Variants in EPG5 observed in about 807,000 individuals in gnomAD.
EPG5 encodes the protein ectopic P-granules 5 autophagy tethering factor.
In EPG5, 159 loss-of-function variants were observed where a neutral mutation model predicts 302.7. That is an observed-to-expected ratio of 0.53 (90% CI 0.46 to 0.60). The LOEUF (loss-of-function observed/expected upper bound fraction) is 0.60. Among genes scored for constraint, EPG5 ranks in the 20% least tolerant of loss-of-function variants. The pLI is 0.00. For missense variants in EPG5, 2,896 were observed against 3,092.4 expected (o/e 0.94, Z 1.51); for synonymous variants, 1,158 against 1,136.8 (o/e 1.02, Z -0.37).
At chr18:45,951,371 C>T (rs2050905690) in intron 3 of EPG5, 133 bp from the exon 4 acceptor site, 1 of 506,738 alleles carries the variant, frequency 2.0e-6, no homozygotes, top group Non-Finnish European at 3.1e-6. Flanking sequence ...AAAGTTACAT[C>T]AAAATACTTA....
chr18:45,861,211 C>T (rs1455511397), intron 39 of EPG5, among the ~76,000 whole-genome samples: 2 of 152,136 alleles, frequency 1.3e-5, no homozygotes, highest in South Asian at 2.1e-4. Context: ...TCTTTCTGTA[C>T]GACCTACTTA....
At chr18:45,821,266 C>T in the EPG5 span, among the ~76,000 whole-genome samples, 1 of 152,162 alleles carries the variant, frequency 6.6e-6, no homozygotes, top group African/African-American at 2.4e-5. Context: ...GTGAGAAATC[C>T]ATGCATGCAC....
At chr18:45,915,170 C>T (rs1273583509) in intron 20 of EPG5, among the ~76,000 whole-genome samples, 1 of 151,510 alleles carries the variant, frequency 6.6e-6, no homozygotes, top group Non-Finnish European at 1.5e-5. Flanking sequence ...CCCAGCTACT[C>T]GGGAGGCTGT....
At chr18:45,807,774 A>G in the EPG5 span, among the ~76,000 whole-genome samples, 1 of 152,210 alleles carries the variant, frequency 6.6e-6, no homozygotes, top group Non-Finnish European at 1.5e-5. Flanking sequence ...ACCTACCCAA[A>G]TGAGAAGGAA....
chr18:45,935,582 T>TGCACATTGGTGTA (rs1296982799), intron 10 of EPG5, among the ~76,000 whole-genome samples: 1 of 150,002 alleles, frequency 6.7e-6, no homozygotes, highest in Non-Finnish European at 1.5e-5. Flanking sequence ...TTAGCACCAA[T>TGCACATTGGTGTA]GCACACAGGC....
chr18:45,874,821 T>C (rs114586025), intron 35 of EPG5, among the ~76,000 whole-genome samples: 10,174 of 152,198 alleles, frequency 0.067, 527 homozygotes, highest in African/African-American at 0.14. Context: ...ACTAGGTGTA[T>C]TCAGTGGAAG....
At chr18:45,829,310 T>A in the EPG5 span, 1 of 242,246 alleles carries the variant, frequency 4.1e-6, no homozygotes, top group Non-Finnish European at 6.7e-6. Flanking sequence ...CCTCACCCCT[T>A]CCCGGGAACC....
intron 16 of EPG5, among the ~76,000 whole-genome samples, chr18:45,918,713 G>C (rs2050085650): frequency 6.6e-6 from 1 of 152,122 alleles, no homozygotes; most frequent in Admixed American, 6.5e-5. Flanking sequence ...TAATACACAT[G>C]ATGACCAAAG....
At chr18:45,935,812 C>T (rs2050510813) in intron 10 of EPG5, among the ~76,000 whole-genome samples, 1 of 152,214 alleles carries the variant, frequency 6.6e-6, no homozygotes, top group East Asian at 1.9e-4. Context: ...CAGTATGGCT[C>T]TGAATCATAT....
At position 45,951,242 on chromosome 18, in the gene EPG5, T is replaced by C; in HGVS notation, c.1253-4A>G. 6.8e-7 allele frequency: 1 copy of C among 1,473,690 alleles called. No homozygotes were observed. The highest frequency in any genetic ancestry group is 9.0e-7 in the Non-Finnish European group (1 of 1,110,392). 91.3% of individuals were successfully genotyped at this position (1,473,690 alleles called of 1,614,324 possible). A position where few individuals can be genotyped will look rare whatever the true frequency, so the allele number is the denominator to read the frequency against. ...ATGCTTTCTGTCTGCTTAGACGCTGTAAATGAAAGATATTAAATGAGTCTC... is the reference window on the plus strand; with the variant it reads ...ATGCTTTCTGTCTGCTTAGACGCTGCAAATGAAAGATATTAAATGAGTCTC... On this transcript the variant is annotated splice_region_variant and splice_polypyrimidine_tract_variant and intron_variant, in intron 3 of 43. Transcript: ENST00000282041.
chr18:45,880,453 C>T (rs768247218), intron 31 of EPG5, among the ~76,000 whole-genome samples: 9 of 152,132 alleles, frequency 5.9e-5, no homozygotes, highest in African/African-American at 1.4e-4. Flanking sequence ...TGGGAGTGAG[C>T]GCTGCTGAAG....
the EPG5 span, among the ~76,000 whole-genome samples, chr18:45,839,909 C>T: frequency 6.6e-6 from 1 of 152,106 alleles, no homozygotes. Flanking sequence ...GTCACAGTGG[C>T]CCTGGCTGCT....
intron 10 of EPG5, among the ~76,000 whole-genome samples, chr18:45,935,985 A>G (rs1406800999): frequency 1.3e-5 from 2 of 152,176 alleles, no homozygotes; most frequent in African/African-American, 4.8e-5. Flanking sequence ...CTTTGCCATC[A>G]TCATACATTC....
chr18:45,960,637 C>T lies in EPG5; in HGVS notation c.64-5299G>A, dbSNP rs533486949. Among the ~76,000 whole-genome samples the T allele has an allele frequency of 1.4e-4, 21 of 151,878 alleles. 1 individual carries two copies. Among genetic ancestry groups the T allele is most frequent in the Non-Finnish European group, 2.9e-4 (20 of 67,986 alleles). ...TTAACTATACATTACAGTAAATATG[C>T]TCTGGAGTGTGGGTATATGGGGAAA... On this transcript the variant is annotated intron_variant, in intron 1 of 43. Coordinates refer to ENST00000282041, the MANE Select transcript of EPG5 (RefSeq NM_020964.3).
At chr18:45,834,958 G>A in the EPG5 span, among the ~76,000 whole-genome samples, 1 of 152,256 alleles carries the variant, frequency 6.6e-6, no homozygotes, top group African/African-American at 2.4e-5. Flanking sequence ...CAATCCTTCA[G>A]ACAGGGTTTC....
intron 27 of EPG5, among the ~76,000 whole-genome samples, chr18:45,896,973 T>C (rs775447928): frequency 3.3e-5 from 5 of 152,244 alleles, no homozygotes; most frequent in Non-Finnish European, 7.3e-5. Context: ...CAAAATTACC[T>C]AGAAGACATT....
At chr18:45,833,018 C>G in the EPG5 span, among the ~76,000 whole-genome samples, 243 of 152,234 alleles carry the variant, frequency 1.6e-3, 1 homozygote, top group African/African-American at 5.5e-3. Flanking sequence ...GGTGAAAGAC[C>G]CTCTGTGTTC....
chr18:45,832,706 G>T, the EPG5 span, among the ~76,000 whole-genome samples: 1 of 152,190 alleles, frequency 6.6e-6, no homozygotes, highest in Non-Finnish European at 1.5e-5. Context: ...TACAGTAAGG[G>T]GCCATGATTC....
At chr18:45,891,364 T>C (rs2049342463) in intron 27 of EPG5, among the ~76,000 whole-genome samples, 1 of 152,040 alleles carries the variant, frequency 6.6e-6, no homozygotes, top group South Asian at 2.1e-4. Flanking sequence ...CTGGGTGTGG[T>C]GGCAGGCACC....
Sources: gnomAD v4.1 joint callset for allele counts (sites outside exome capture counted in the v4.1 genomes callset) on GRCh38, gnomAD v4.1.1 for gene constraint, MANE v1.5 for transcripts, NCBI Gene and HGNC (gene_info 2026-07-23, HGNC 2026-07-21) for gene names.